The following ZNF345 variants were observed in gnomAD, a reference collection of about 807,000 sequenced individuals.
ZNF345 encodes the protein zinc finger protein HZF10.
For synonymous variants in ZNF345, 166 were observed against 187.9 expected (o/e 0.88, Z 0.95); for missense variants, 527 against 589.9 (o/e 0.89, Z 1.10).
downstream of ZNF345, among the ~76,000 whole-genome samples, chr19:36,880,632 A>T (rs529658325): frequency 4.6e-5 from 7 of 152,100 alleles, no homozygotes; most frequent in African/African-American, 1.7e-4. Flanking sequence ...CTACAATAAA[A>T]GTTTTAAAAA....
chr19:36,852,128 C>CTTTTTTTTTTTTTTTTTT (rs35747733), intron 2 of ZNF345, among the ~76,000 whole-genome samples: 11 of 102,698 alleles, frequency 1.1e-4, no homozygotes, highest in Non-Finnish European at 1.7e-4. Flanking sequence ...TTCTTTCTTT[C>CTTTTTTTTTTTTTTTTTT]TTTTTTTTTT....
intron 3 of ZNF345, chr19:36,892,056 A>G: frequency 2.5e-6 from 4 of 1,614,018 alleles, no homozygotes; most frequent in Non-Finnish European, 3.4e-6. Context: ...AGGCTTTTCC[A>G]CATTCCTTAC....
chr19:36,882,457 C>CG (rs1379692702), downstream of ZNF345, among the ~76,000 whole-genome samples: 1 of 146,704 alleles, frequency 6.8e-6, no homozygotes, highest in Non-Finnish European at 1.6e-5. Flanking sequence ...TTAGTAGAGA[C>CG]GGGGTTTTAC....
chr19:36,852,112 T>C (rs959027438), intron 2 of ZNF345, among the ~76,000 whole-genome samples: 1 of 145,482 alleles, frequency 6.9e-6, no homozygotes, highest in African/African-American at 2.7e-5. Context: ...TCTTTTTCTT[T>C]TTTTTTTCTT....
intron 2 of ZNF345, among the ~76,000 whole-genome samples, chr19:36,869,591 C>G (rs934088464): frequency 1.1e-4 from 17 of 152,132 alleles, no homozygotes; most frequent in African/African-American, 3.9e-4. Flanking sequence ...CATGAGTTAC[C>G]TCATTAGCAT....
At chr19:36,884,945 T>G (rs1231423448) in intron 3 of ZNF345, among the ~76,000 whole-genome samples, 1 of 152,210 alleles carries the variant, frequency 6.6e-6, no homozygotes, top group Non-Finnish European at 1.5e-5. Context: ...TCTGGGAACC[T>G]TCTTATACAT....
chr19:36,882,070 C>T (rs967788149), downstream of ZNF345, among the ~76,000 whole-genome samples: 5 of 150,180 alleles, frequency 3.3e-5, no homozygotes, highest in East Asian at 3.9e-4. Context: ...TTAAAAAAAA[C>T]CTTATCTGGG....
intron 3 of ZNF345, chr19:36,888,811 T>C: frequency 6.6e-6 from 1 of 152,360 alleles, no homozygotes; most frequent in Non-Finnish European, 1.5e-5. Flanking sequence ...TTTGCTCTGT[T>C]GCCCAGGCTG....
At chr19:36,858,660 G>A (rs1314638979) in intron 2 of ZNF345, among the ~76,000 whole-genome samples, 3 of 152,112 alleles carry the variant, frequency 2.0e-5, no homozygotes, top group Non-Finnish European at 4.4e-5. Context: ...CCAGCTACTC[G>A]GGAGGCTGAG....
chr19:36,875,223 AAC>A (rs1161857243), intron 2 of ZNF345, among the ~76,000 whole-genome samples: 3 of 152,308 alleles, frequency 2.0e-5, no homozygotes, highest in African/African-American at 7.2e-5. Flanking sequence ...ATCAAAACAA[AAC>A]ACAAAGAAAA....
At chr19:36,855,447 CTTTTTTTT>C (rs34265794) in intron 2 of ZNF345, among the ~76,000 whole-genome samples, 20 of 58,586 alleles carry the variant, frequency 3.4e-4, no homozygotes, top group African/African-American at 1.3e-3. Context: ...CGAGCCTGGC[CTTTTTTTT>C]TTTTTTTTTT....
intron 2 of ZNF345, among the ~76,000 whole-genome samples, chr19:36,875,843 C>T (rs1407322143): frequency 6.6e-6 from 1 of 152,108 alleles, no homozygotes; most frequent in Admixed American, 6.5e-5. Flanking sequence ...AAATCCATTC[C>T]CTTTCCTAGC....
intron 2 of ZNF345, among the ~76,000 whole-genome samples, chr19:36,857,445 T>C (rs1416126977): frequency 6.6e-6 from 1 of 152,068 alleles, no homozygotes; most frequent in African/African-American, 2.4e-5. Context: ...TAGCTGGGAC[T>C]ACAGGCGCCC....
intron 2 of ZNF345, among the ~76,000 whole-genome samples, chr19:36,873,322 C>T (rs2072807612): frequency 6.6e-6 from 1 of 152,040 alleles, no homozygotes; most frequent in South Asian, 2.1e-4. Context: ...TTTTATCTTA[C>T]AGGCTTTTCT....
chr19:36,853,317 C>T (rs1178365993), intron 2 of ZNF345, among the ~76,000 whole-genome samples: 1 of 145,232 alleles, frequency 6.9e-6, no homozygotes, highest in Non-Finnish European at 1.5e-5. Flanking sequence ...GGCATGATCT[C>T]GGCTCACCAC....
chr19:36,873,474 C>T (rs2072811806), intron 2 of ZNF345, among the ~76,000 whole-genome samples: 1 of 152,174 alleles, frequency 6.6e-6, no homozygotes, highest in African/African-American at 2.4e-5. Flanking sequence ...CATAGTTACA[C>T]TTTTTGTGTG....
At chr19:36,857,014 TTC>T (rs1035503884) in intron 2 of ZNF345, among the ~76,000 whole-genome samples, 7 of 152,166 alleles carry the variant, frequency 4.6e-5, no homozygotes, top group Non-Finnish European at 8.8e-5. Flanking sequence ...ATACTTAGAA[TTC>T]TTTTTTTAAT....
intron 3 of ZNF345, chr19:36,888,451 C>T (rs2073018427): frequency 6.6e-6 from 1 of 152,128 alleles, no homozygotes; most frequent in South Asian, 2.1e-4. Context: ...TTTTCTGTTC[C>T]CACCTACCAC....
chr19:36,885,654 A>G (rs1408368850), intron 3 of ZNF345, among the ~76,000 whole-genome samples: 2 of 152,040 alleles, frequency 1.3e-5, no homozygotes, highest in Admixed American at 1.3e-4. Flanking sequence ...CACCACTCAC[A>G]TCTTGCCTGG....
Sources: allele counts gnomAD v4.1 joint callset (sites outside exome capture counted in the v4.1 genomes callset), GRCh38; gene constraint gnomAD v4.1.1; transcripts MANE v1.5; gene names NCBI Gene and HGNC (gene_info 2026-07-23, HGNC 2026-07-21).